The following SYT9 variants were observed in gnomAD, a reference collection of about 807,000 sequenced individuals.
SYT9 encodes synaptotagmin-9.
Under a neutral mutation model 48.4 loss-of-function variants are expected in SYT9, and 22 were observed. That is an observed-to-expected ratio of 0.45 (90% confidence interval 0.32 to 0.65). The LOEUF (loss-of-function observed/expected upper bound fraction) is 0.65, where lower values mean the gene tolerates loss of function less well. Ranked by LOEUF, SYT9 falls within the 30% of genes least tolerant of loss-of-function variation. The probability of loss-of-function intolerance (pLI) is 0.03; values close to 1 mark genes in which losing one functional copy is unlikely to be tolerated. For synonymous variants in SYT9, 265 were observed against 245.0 expected, an observed-to-expected ratio of 1.08 and a Z score of -0.76; for missense variants, 577 against 622.0, an observed-to-expected ratio of 0.93 and a Z score of 0.77.
At chr11:7,402,562 A>G (rs1433350589) in intron 3 of SYT9, among the ~76,000 whole-genome samples, 1 of 152,148 alleles carries the variant, frequency 6.6e-6, no homozygotes, top group Non-Finnish European at 1.5e-5. Context: ...TGATGATTTG[A>G]GGACCCTTTA....
At chr11:7,253,566 C>T (rs1553640) in intron 1 of SYT9, among the ~76,000 whole-genome samples, 93,288 of 151,618 alleles carry the variant, frequency 0.62, 29,185 homozygotes, top group Middle Eastern at 0.69. Flanking sequence ...ATCAGATTTT[C>T]CCTACCAGAG....
At chr11:7,453,061 T>C (rs1212810257) in intron 6 of SYT9, among the ~76,000 whole-genome samples, 3 of 151,180 alleles carry the variant, frequency 2.0e-5, no homozygotes, top group Non-Finnish European at 4.4e-5. Flanking sequence ...GGATTACAGG[T>C]GTGAGCCACC....
chr11:7,419,578 G>A (rs1443247599), intron 5 of SYT9, among the ~76,000 whole-genome samples: 1 of 152,128 alleles, frequency 6.6e-6, no homozygotes, highest in Non-Finnish European at 1.5e-5. Flanking sequence ...CTCAAGGCGG[G>A]GACCTACCTA....
At chr11:7,306,781 C>T (rs911634701) in intron 2 of SYT9, among the ~76,000 whole-genome samples, 1 of 152,130 alleles carries the variant, frequency 6.6e-6, no homozygotes, top group African/African-American at 2.4e-5. Context: ...CTCGCATTGC[C>T]TTGTTTTCAT....
intron 3 of SYT9, among the ~76,000 whole-genome samples, chr11:7,352,923 T>C (rs73397547): frequency 0.013 from 1,997 of 152,312 alleles, 46 homozygotes; most frequent in African/African-American, 0.044. Flanking sequence ...GGACTTCTAT[T>C]TATATTTTCT....
intron 3 of SYT9, among the ~76,000 whole-genome samples, chr11:7,356,808 G>C (rs1850030272): frequency 6.6e-6 from 1 of 152,118 alleles, no homozygotes; most frequent in African/African-American, 2.4e-5. Flanking sequence ...CATTAAACAT[G>C]CAAATTTATG....
chr11:7,277,994 A>C (rs1431097706), intron 1 of SYT9, among the ~76,000 whole-genome samples: 1 of 152,162 alleles, frequency 6.6e-6, no homozygotes, highest in East Asian at 1.9e-4. Context: ...AAAGGAATTT[A>C]TTTTTTACAG....
chr11:7,378,872 G>A (rs1234100696), intron 3 of SYT9, among the ~76,000 whole-genome samples: 1 of 152,096 alleles, frequency 6.6e-6, no homozygotes, highest in Non-Finnish European at 1.5e-5. Context: ...TGCTGAGAAT[G>A]CAAGGTCAAT....
intron 6 of SYT9, chr11:7,437,576 G>GA (rs1847734940): frequency 6.6e-6 from 1 of 151,666 alleles, no homozygotes; most frequent in South Asian, 2.1e-4. Context: ...TGATAAGAAG[G>GA]AATATGGACT....
intron 6 of SYT9, among the ~76,000 whole-genome samples, chr11:7,461,844 C>T (rs1848242353): frequency 6.6e-6 from 1 of 152,216 alleles, no homozygotes; most frequent in Admixed American, 6.5e-5. Flanking sequence ...ATCTTGCCAC[C>T]TCATCGAAAA....
intron 6 of SYT9, among the ~76,000 whole-genome samples, chr11:7,466,365 A>C (rs1432345837): frequency 6.6e-6 from 1 of 152,032 alleles, no homozygotes; most frequent in African/African-American, 2.4e-5. Context: ...GGAGTGTCCT[A>C]CTTATGGGCT....
At chr11:7,411,011 C>A (rs547382029) in intron 3 of SYT9, among the ~76,000 whole-genome samples, 1 of 152,134 alleles carries the variant, frequency 6.6e-6, no homozygotes, top group African/African-American at 2.4e-5. Context: ...CCTGGCACCA[C>A]GCCTGGCTAA....
intron 1 of SYT9, among the ~76,000 whole-genome samples, chr11:7,285,063 T>A (rs1168472724): frequency 2.0e-5 from 3 of 152,194 alleles, no homozygotes; most frequent in Non-Finnish European, 4.4e-5. Flanking sequence ...CCTGGACCAT[T>A]GGGCTTTATT....
intron 3 of SYT9, among the ~76,000 whole-genome samples, chr11:7,387,701 C>T (rs1005739439): frequency 3.3e-5 from 5 of 152,110 alleles, no homozygotes; most frequent in African/African-American, 9.7e-5. Context: ...TTTTTAGATG[C>T]TCTCTTTAAG....
rs1432743142 is a variant in SYT9 at position 7,252,662 on chromosome 11, C to T, written c.145+331C>T. The stretch of plus-strand genomic sequence containing the variant: ...CTCTCCACTTCCCGGGCTATCTGCA[C>T]TCAGAGCGAGGGGAGGCCGCGGCGG... On this transcript the variant is annotated intron_variant, in intron 1 of 6. Transcript: ENST00000318881. This position sits in a 1 kb window ranked among gnomAD's most constrained non-coding sequence, Gnocchi z 6.3. 1.3e-5 allele frequency among the ~76,000 whole-genome samples: 2 copies of T among 152,346 alleles called. No individual in the cohort carries two copies. The highest frequency in any genetic ancestry group is 1.9e-4 in the East Asian group (1 of 5,166).
intron 3 of SYT9, among the ~76,000 whole-genome samples, chr11:7,390,812 C>G (rs1220518991): frequency 6.6e-6 from 1 of 152,106 alleles, no homozygotes; most frequent in Non-Finnish European, 1.5e-5. Flanking sequence ...TCCATCTTCT[C>G]AAAAATTTTT....
intron 3 of SYT9, among the ~76,000 whole-genome samples, chr11:7,405,942 G>A (rs898026752): frequency 6.6e-6 from 1 of 152,008 alleles, no homozygotes; most frequent in Non-Finnish European, 1.5e-5. Context: ...AATATTTATT[G>A]AGCATCTTTT....
In SYT9 at chr11:7,318,250, T is replaced by C. The variant is rs903821447; in HGVS notation, c.1044+4309T>C. Among the ~76,000 whole-genome samples, 7 of 152,330 alleles carry C rather than the reference T, an allele frequency of 4.6e-5. No homozygotes were observed. The East Asian group carries it at 1.3e-3, about 29-fold the overall frequency. ...CTCTAAAATTTCATTTTCTAACTATTGCTAGTGTATAGTTAAAATTCTTTA... is the reference window on the plus strand; with the variant it reads ...CTCTAAAATTTCATTTTCTAACTATCGCTAGTGTATAGTTAAAATTCTTTA... On this transcript the variant is annotated intron_variant, in intron 3 of 6. Transcript: ENST00000318881.
intron 3 of SYT9, among the ~76,000 whole-genome samples, chr11:7,351,207 T>C (rs1165741323): frequency 1.3e-5 from 2 of 152,214 alleles, no homozygotes; most frequent in African/African-American, 4.8e-5. Flanking sequence ...GGAAAGAAAC[T>C]GAAAGCCCAG....
Sources: gnomAD v4.1 joint callset for allele counts (sites outside exome capture counted in the v4.1 genomes callset) on GRCh38, gnomAD v4.1.1 for gene constraint, Gnocchi (gnomAD v3.1) non-coding constraint, MANE v1.5 for transcripts, NCBI Gene and HGNC (gene_info 2026-07-23, HGNC 2026-07-21) for gene names.